Variants in TFCP2 observed in about 807,000 individuals in gnomAD.
TFCP2 encodes transcription factor CP2.
TFCP2 carries 33 observed loss-of-function variants against 73.4 expected under a neutral mutation model. The observed-to-expected ratio is 0.45, with a 90% CI of 0.34 to 0.60. TFCP2 has a LOEUF of 0.60. TFCP2 is among the 20% of genes least tolerant of loss of function. The pLI, the probability that TFCP2 is intolerant of heterozygous loss-of-function variation, is 0.01. For synonymous variants in TFCP2, 193 were observed against 211.6 expected (o/e 0.91, Z 0.76); for missense variants, 352 against 604.0 (o/e 0.58, Z 4.37).
chr12:51,141,970 C>T (rs111689986), intron 1 of TFCP2, among the ~76,000 whole-genome samples: 9,031 of 149,942 alleles, frequency 0.06, 375 homozygotes, highest in Non-Finnish European at 0.093. Flanking sequence ...TTTGGGAGGC[C>T]GAGGCGGGTG....
At chr12:51,148,699 CAAAAAA>C (rs140565414) in intron 1 of TFCP2, among the ~76,000 whole-genome samples, 4 of 100,152 alleles carry the variant, frequency 4.0e-5, no homozygotes, top group Non-Finnish European at 5.8e-5. Context: ...GACTCTGTCT[CAAAAAA>C]AAAAAAAAAA....
intron 4 of TFCP2, 128 bp from the exon 5 acceptor site, chr12:51,111,111 G>GT (rs11308041): frequency 0.01 from 4,959 of 476,234 alleles, no homozygotes; most frequent in South Asian, 0.02. Flanking sequence ...AAATTTCTTT[G>GT]TTTTTTTTTT....
At chr12:51,095,684 C>A (rs922781525) in intron 14 of TFCP2, among the ~76,000 whole-genome samples, 1 of 151,454 alleles carries the variant, frequency 6.6e-6, no homozygotes, top group African/African-American at 2.4e-5. Flanking sequence ...CATGGTGGCA[C>A]GTGCCTGTAA....
chr12:51,098,534 G>C (rs1940024421), intron 13 of TFCP2, among the ~76,000 whole-genome samples: 1 of 151,992 alleles, frequency 6.6e-6, no homozygotes, highest in Admixed American at 6.6e-5. Flanking sequence ...GCTGAGACAG[G>C]AGAATCACTT....
chr12:51,124,064 G>A (rs1940743520), intron 1 of TFCP2, among the ~76,000 whole-genome samples: 1 of 151,628 alleles, frequency 6.6e-6, no homozygotes, highest in South Asian at 2.1e-4. Context: ...ACAGTAGCCT[G>A]AAGTAACCTG....
At chr12:51,118,304 C>T (rs1185281577) in intron 2 of TFCP2, among the ~76,000 whole-genome samples, 2 of 152,176 alleles carry the variant, frequency 1.3e-5, no homozygotes, top group African/African-American at 4.8e-5. Context: ...CCTGTAATCC[C>T]AGCACTTTGG....
chr12:51,105,460 A>C (rs1326449686), intron 8 of TFCP2, among the ~76,000 whole-genome samples: 2 of 152,156 alleles, frequency 1.3e-5, no homozygotes, highest in African/African-American at 4.8e-5. Context: ...TATGGAAGAA[A>C]AAGTTTAACT....
At chr12:51,140,803 C>T (rs1482120135) in intron 1 of TFCP2, among the ~76,000 whole-genome samples, 2 of 151,620 alleles carry the variant, frequency 1.3e-5, no homozygotes, top group Non-Finnish European at 2.9e-5. Flanking sequence ...TACCTGTAAT[C>T]GCAGCATTTT....
chr12:51,131,968 C>A (rs1940953475), intron 1 of TFCP2, among the ~76,000 whole-genome samples: 1 of 152,142 alleles, frequency 6.6e-6, no homozygotes, highest in Admixed American at 6.6e-5. Flanking sequence ...ACTCACTTCT[C>A]CCTAACCAAT....
chr12:51,113,093 G>GATA lies in TFCP2; in HGVS notation c.458-2111_458-2110insTAT, dbSNP rs1566205554. On this transcript the variant is annotated intron_variant, in intron 4 of 14. Transcript: ENST00000257915. ...GGTAATATGTATTATCAGAACTGTG[G>GATA]TATTAACTATACTACTGTTTTGGTA... 5.9e-3 allele frequency among the ~76,000 whole-genome samples: 893 copies of GATA among 151,990 alleles called. 5 individuals are homozygous for GATA. Among genetic ancestry groups the GATA allele is most frequent in the African/African-American group, 0.019 (782 of 41,462 alleles).
chr12:51,098,941 G>A (rs751100213), intron 12 of TFCP2, 23 bp from the exon 13 acceptor site: 2 of 1,612,894 alleles, frequency 1.2e-6, no homozygotes, highest in Non-Finnish European at 1.7e-6. Flanking sequence ...GAGAGCAACA[G>A]CAGTCAGTAC....
chr12:51,096,015 G>A lies in TFCP2; in HGVS notation c.1445C>T (p.Ala482Val). 6.2e-7 allele frequency: 1 copy of A among 1,612,958 alleles called. No individual in the cohort carries two copies. The highest frequency in any genetic ancestry group is 8.5e-7 in the Non-Finnish European group (1 of 1,179,612). Reference sequence around the variant, plus strand: ...TTTCATTGTGTCCAGAATAAAACATGCTTCTTCCTGAAAGTTCTGTATCAT... The same window carrying A: ...TTTCATTGTGTCCAGAATAAAACATACTTCTTCCTGAAAGTTCTGTATCAT... ...DEMIQNFQEE[A>V]CFILDTMKAE... The change falls in exon 14 of 15, where the codon GCA (alanine) becomes GTA (valine). Residue 482 changes from alanine (A) to valine (V), a missense_variant. Ala to Val is a moderately conservative substitution (Grantham distance 64). Coordinates refer to ENST00000257915, the MANE Select transcript of TFCP2 (RefSeq NM_005653.5).
intron 1 of TFCP2, among the ~76,000 whole-genome samples, chr12:51,160,068 C>CT (rs1468636678): frequency 1.3e-5 from 2 of 151,530 alleles, no homozygotes; most frequent in Non-Finnish European, 2.9e-5. Context: ...CAACTGTTAT[C>CT]TTGGTGGTGG....
rs772367375 is a variant in TFCP2, at chr12:51,100,739, A to G, written c.1152-960T>C. Among the ~76,000 whole-genome samples the G allele has an allele frequency of 1.7e-4, 26 of 152,232 alleles. 1 individual carries two copies. Among genetic ancestry groups the G allele is most frequent in the South Asian group, 1.0e-3 (5 of 4,828 alleles). ...CTAGGCAGGAGGATGGCTTGAGCCC[A>G]GGAAATCGAGGCTGCAGTGAGCCAT... On this transcript the variant is annotated intron_variant, in intron 11 of 14. Coordinates refer to ENST00000257915, the MANE Select transcript of TFCP2 (RefSeq NM_005653.5).
At chr12:51,172,161 A>C in intron 1 of TFCP2, 140 bp downstream of exon 1, 1 of 1,239,706 alleles carries the variant, frequency 8.1e-7, no homozygotes, top group Non-Finnish European at 1.1e-6. Flanking sequence ...ACTCAAAGCG[A>C]CAAAAGAACA....
chr12:51,105,034 C>T (rs527250314), intron 8 of TFCP2, among the ~76,000 whole-genome samples: 3 of 150,000 alleles, frequency 2.0e-5, no homozygotes, highest in South Asian at 2.1e-4. Context: ...TTTAAAGTAG[C>T]CCCAAAAATT....
At chr12:51,128,478 T>TAAAAAA (rs11324129) in intron 1 of TFCP2, among the ~76,000 whole-genome samples, 11 of 137,282 alleles carry the variant, frequency 8.0e-5, no homozygotes, top group Middle Eastern at 3.7e-3. Context: ...AGTATAATAA[T>TAAAAAA]AAAAAAAAAA....
intron 1 of TFCP2, among the ~76,000 whole-genome samples, chr12:51,120,367 C>T (rs1198257322): frequency 2.0e-5 from 3 of 151,810 alleles, no homozygotes; most frequent in Admixed American, 6.6e-5. Flanking sequence ...CAAAAAAAGC[C>T]GGACACAAAG....
intron 1 of TFCP2, among the ~76,000 whole-genome samples, chr12:51,132,702 A>T (rs1340430617): frequency 4.0e-5 from 6 of 151,836 alleles, no homozygotes; most frequent in Non-Finnish European, 8.8e-5. Flanking sequence ...GCTAGCTTTT[A>T]CCTTTGCACT....
Sources: gnomAD v4.1 joint callset for allele counts (sites outside exome capture counted in the v4.1 genomes callset) on GRCh38, gnomAD v4.1.1 for gene constraint, MANE v1.5 for transcripts, NCBI Gene and HGNC (gene_info 2026-07-23, HGNC 2026-07-21) for gene names.